MAF: variants seen among roughly 807,000 people sequenced by gnomAD.
The protein encoded by MAF is transcription factor Maf.
In MAF, 10 loss-of-function variants were observed where a neutral mutation model predicts 22.0. That is an observed-to-expected ratio of 0.45 (90% confidence interval 0.28 to 0.77). The LOEUF is 0.77. MAF is among the 30% of genes least tolerant of loss of function. MAF has a pLI of 0.12. For synonymous variants in MAF, 337 were observed against 255.8 expected (o/e 1.32, Z -3.03); for missense variants, 544 against 548.4 (o/e 0.99, Z 0.08).
the MAF span, among the ~76,000 whole-genome samples, chr16:79,379,685 C>T: frequency 6.6e-6 from 1 of 152,140 alleles, no homozygotes; most frequent in Non-Finnish European, 1.5e-5. Flanking sequence ...ATTCCAGGGG[C>T]TGAGTCTTGA....
At position 79,594,861 on chromosome 16, in the gene MAF, T is replaced by A. The variant is rs572324586; in HGVS notation, c.1119-308A>T. Reference sequence around the variant, plus strand: ...TTTTTGCCAGCACCTTTGCATTTGATTTTCTAAAGTTTGGGGGCCCAAACC... The same window carrying A: ...TTTTTGCCAGCACCTTTGCATTTGAATTTCTAAAGTTTGGGGGCCCAAACC... On this transcript the variant is annotated intron_variant, in intron 1 of 1. Transcript: ENST00000326043. 3.1e-5 allele frequency: 38 copies of A among 1,220,848 alleles called. No homozygotes were observed. The East Asian group carries it at 1.3e-3, about 43-fold the overall frequency. The allele number at this position is 1,220,848 out of a possible 1,614,324, so 75.6% of individuals were successfully genotyped here. A position where few individuals can be genotyped will look rare whatever the true frequency, so the allele number is the denominator to read the frequency against.
the MAF span, among the ~76,000 whole-genome samples, chr16:79,440,653 C>T: frequency 6.6e-6 from 1 of 152,320 alleles, no homozygotes; most frequent in East Asian, 1.9e-4. Context: ...CCTCGTGATC[C>T]ACCCGCCTTG....
chr16:79,457,448 C>T, the MAF span, among the ~76,000 whole-genome samples: 69 of 143,244 alleles, frequency 4.8e-4, 1 homozygote, highest in South Asian at 0.014. Flanking sequence ...AGGAATGAAA[C>T]GACTAATAAT....
chr16:79,229,333 G>C, the MAF span: 1 of 151,634 alleles, frequency 6.6e-6, no homozygotes, highest in African/African-American at 2.4e-5. Context: ...GGCCTTGTGG[G>C]CGCGAGGCTC....
At chr16:79,301,098 C>G in the MAF span, among the ~76,000 whole-genome samples, 1 of 152,102 alleles carries the variant, frequency 6.6e-6, no homozygotes, top group African/African-American at 2.4e-5. Context: ...AAAGAGCCGT[C>G]CAGGTAGGGA....
the MAF span, among the ~76,000 whole-genome samples, chr16:79,574,260 G>C: frequency 3.9e-5 from 6 of 152,284 alleles, no homozygotes; most frequent in African/African-American, 1.4e-4. Flanking sequence ...GTTAATTCCA[G>C]CCAGCACCAT....
At chr16:79,232,467 T>C in the MAF span, among the ~76,000 whole-genome samples, 1 of 151,992 alleles carries the variant, frequency 6.6e-6, no homozygotes, top group Non-Finnish European at 1.5e-5. Context: ...CTCTTTTATA[T>C]GGAGAAAGAA....
the MAF span, among the ~76,000 whole-genome samples, chr16:79,294,221 C>G: frequency 2.6e-5 from 4 of 152,188 alleles, no homozygotes; most frequent in Non-Finnish European, 4.4e-5. Context: ...TCATGCAATC[C>G]TTCCCATGAA....
At chr16:79,338,714 T>C in the MAF span, among the ~76,000 whole-genome samples, 1 of 152,188 alleles carries the variant, frequency 6.6e-6, no homozygotes, top group Non-Finnish European at 1.5e-5. Flanking sequence ...ACAGGCTTTA[T>C]AATCTATACA....
At chr16:79,532,506 C>A in the MAF span, among the ~76,000 whole-genome samples, 2 of 152,190 alleles carry the variant, frequency 1.3e-5, no homozygotes, top group Admixed American at 1.3e-4. Context: ...TGCTCAGTAG[C>A]CAAATGGACT....
chr16:79,536,413 T>C, the MAF span, among the ~76,000 whole-genome samples: 1 of 152,110 alleles, frequency 6.6e-6, no homozygotes, highest in Non-Finnish European at 1.5e-5. Flanking sequence ...GAGGCCGAGG[T>C]GGGCAGATCA....
chr16:79,552,788 T>G, the MAF span, among the ~76,000 whole-genome samples: 3 of 152,280 alleles, frequency 2.0e-5, no homozygotes, highest in African/African-American at 7.2e-5. Flanking sequence ...CTCCTTGTGG[T>G]TATGTTCACA....
chr16:79,439,557 G>A, the MAF span, among the ~76,000 whole-genome samples: 14 of 152,102 alleles, frequency 9.2e-5, no homozygotes, highest in Admixed American at 9.2e-4. Context: ...ACCAGCGCCT[G>A]GCCAGCACTT....
At chr16:79,337,973 T>C in the MAF span, among the ~76,000 whole-genome samples, 39 of 152,312 alleles carry the variant, frequency 2.6e-4, 1 homozygote, top group Admixed American at 1.1e-3. Flanking sequence ...CACTTCAGAT[T>C]GAATGGGCAC....
chr16:79,529,690 G>C, the MAF span, among the ~76,000 whole-genome samples: 1 of 152,208 alleles, frequency 6.6e-6, no homozygotes, highest in African/African-American at 2.4e-5. Context: ...GCTGGGCGCG[G>C]TGGCTCACGC....
the MAF span, among the ~76,000 whole-genome samples, chr16:79,571,327 C>G: frequency 3.3e-5 from 5 of 152,064 alleles, no homozygotes; most frequent in East Asian, 9.7e-4. Context: ...CCCAGATACA[C>G]TTTCATTTTC....
the MAF span, among the ~76,000 whole-genome samples, chr16:79,413,113 C>A: frequency 6.6e-6 from 1 of 151,956 alleles, no homozygotes; most frequent in Non-Finnish European, 1.5e-5. Flanking sequence ...ATACATACTC[C>A]CCAGGACAAG....
the MAF span, among the ~76,000 whole-genome samples, chr16:79,500,490 C>T: frequency 3.3e-5 from 5 of 152,146 alleles, no homozygotes; most frequent in East Asian, 7.7e-4. Context: ...AGTTGCTTGT[C>T]ATGAAACTTC....
At chr16:79,207,012 C>T in the MAF span, among the ~76,000 whole-genome samples, 124 of 152,172 alleles carry the variant, frequency 8.1e-4, no homozygotes, top group Middle Eastern at 0.014. Flanking sequence ...TCCCAAGCAC[C>T]GAGGTATCTG....
Sources: gnomAD v4.1 joint callset for allele counts (sites outside exome capture counted in the v4.1 genomes callset) on GRCh38, gnomAD v4.1.1 for gene constraint, MANE v1.5 for transcripts, NCBI Gene and HGNC (gene_info 2026-07-23, HGNC 2026-07-21) for gene names.